PCDH11X: variants seen among roughly 807,000 people sequenced by gnomAD.
The protein encoded by PCDH11X is protocadherin-11 X-linked.
Under a neutral mutation model 53.3 loss-of-function variants are expected in PCDH11X, and 18 were observed. That is an observed-to-expected ratio of 0.34 (90% CI 0.23 to 0.50). The LOEUF is 0.50. PCDH11X is among the 20% of genes least tolerant of loss of function. The pLI, the probability that PCDH11X is intolerant of heterozygous loss-of-function variation, is 0.98. For synonymous variants in PCDH11X, 279 were observed against 393.3 expected, an observed-to-expected ratio of 0.71 and a Z score of 3.44; for missense variants, 570 against 1,032.4, an observed-to-expected ratio of 0.55 and a Z score of 6.14.
chrX:92,044,249 C>A (rs1237257050), intron 6 of PCDH11X, among the ~76,000 whole-genome samples: 1 of 104,465 alleles, frequency 9.6e-6, no homozygotes, highest in Admixed American at 1.1e-4. Context: ...GCGCTGAAGG[C>A]TGAATTGAGA....
At chrX:92,143,757 G>A (rs1475943600) in intron 6 of PCDH11X, among the ~76,000 whole-genome samples, 1 of 112,124 alleles carries the variant, frequency 8.9e-6, no homozygotes, top group Admixed American at 9.5e-5. Context: ...GCCTAGTGGA[G>A]TTGTGAGAAG....
intron 8 of PCDH11X, 135 bp downstream of exon 8, chrX:92,263,278 G>A: frequency 2.1e-6 from 1 of 479,823 alleles, no homozygotes; most frequent in Non-Finnish European, 3.3e-6. Context: ...CTTTAAAAGA[G>A]AGTCAAGCTG....
chrX:92,279,759 C>G (rs1057185955), intron 8 of PCDH11X, among the ~76,000 whole-genome samples: 2 of 111,827 alleles, frequency 1.8e-5, no homozygotes, highest in African/African-American at 6.5e-5. Context: ...GGTTTTTGCC[C>G]AGCATATTTT....
chrX:92,467,136 TA>T (rs1456030022), intron 9 of PCDH11X, among the ~76,000 whole-genome samples: 1 of 111,091 alleles, frequency 9.0e-6, no homozygotes, highest in Non-Finnish European at 1.9e-5. Flanking sequence ...AGCACTATTT[TA>T]AAAAAATTTT....
intron 7 of PCDH11X, among the ~76,000 whole-genome samples, chrX:92,241,343 CTGAA>C (rs753346413): frequency 2.7e-5 from 3 of 111,582 alleles, no homozygotes; most frequent in Non-Finnish European, 3.8e-5. Flanking sequence ...ATTAGAAAGA[CTGAA>C]TGAATGCATC....
chrX:92,358,016 T>G (rs1430328226), intron 8 of PCDH11X, among the ~76,000 whole-genome samples: 5 of 109,644 alleles, frequency 4.6e-5, no homozygotes, highest in Admixed American at 2.0e-4. Context: ...GGACAATAAT[T>G]GGTGACGTCT....
intron 9 of PCDH11X, among the ~76,000 whole-genome samples, chrX:92,449,769 G>A (rs1159116505): frequency 2.7e-5 from 3 of 110,310 alleles, no homozygotes; most frequent in African/African-American, 9.9e-5. Context: ...GCAACTCTTT[G>A]TTAGACTCTC....
chrX:92,601,276 G>A (rs1268456489), intron 10 of PCDH11X, among the ~76,000 whole-genome samples: 1 of 103,148 alleles, frequency 9.7e-6, no homozygotes, highest in Non-Finnish European at 2.0e-5. Flanking sequence ...ATTTCATCTT[G>A]AATTGAAGCT....
chrX:92,538,662 T>G (rs1222510087), intron 10 of PCDH11X, among the ~76,000 whole-genome samples: 1 of 97,756 alleles, frequency 1.0e-5, no homozygotes, highest in African/African-American at 3.7e-5. Context: ...TAATAAACAC[T>G]CTATACTTTA....
chrX:92,243,660 A>G (rs1264431594), intron 7 of PCDH11X, among the ~76,000 whole-genome samples: 1 of 111,353 alleles, frequency 9.0e-6, no homozygotes, highest in Non-Finnish European at 1.9e-5. Flanking sequence ...TAGTAGTGGG[A>G]AAAAAGGTCT....
At chrX:91,990,630 G>A (rs1339949983) in intron 6 of PCDH11X, among the ~76,000 whole-genome samples, 1 of 110,565 alleles carries the variant, frequency 9.0e-6, no homozygotes, top group East Asian at 2.9e-4. Flanking sequence ...CAGTGAGAAA[G>A]GGGGCACTGC....
At chrX:92,446,648 C>T (rs904180581) in intron 9 of PCDH11X, among the ~76,000 whole-genome samples, 17 of 111,667 alleles carry the variant, frequency 1.5e-4, no homozygotes, top group African/African-American at 5.2e-4. Context: ...AATCCTTTCC[C>T]GTATAAATTA....
intron 6 of PCDH11X, among the ~76,000 whole-genome samples, chrX:91,925,991 A>G (rs1941930221): frequency 9.3e-6 from 1 of 107,868 alleles, no homozygotes; most frequent in Non-Finnish European, 1.9e-5. Context: ...AGACACTTAG[A>G]AGACTGAGCA....
intron 10 of PCDH11X, among the ~76,000 whole-genome samples, chrX:92,595,118 G>A (rs1282110165): frequency 9.1e-6 from 1 of 109,550 alleles, no homozygotes; most frequent in Non-Finnish European, 1.9e-5. Context: ...GAATGAAATG[G>A]CATACTTTTA....
At chrX:91,860,572 C>T (rs1053760344) in intron 5 of PCDH11X, among the ~76,000 whole-genome samples, 1 of 111,704 alleles carries the variant, frequency 9.0e-6, no homozygotes, top group African/African-American at 3.3e-5. Context: ...CAGCTTTTGC[C>T]CATTCAATAT....
chrX:92,569,600 A>T (rs1358641786), intron 10 of PCDH11X, among the ~76,000 whole-genome samples: 1 of 111,605 alleles, frequency 9.0e-6, no homozygotes, highest in East Asian at 2.8e-4. Flanking sequence ...TTTTAACTTA[A>T]CATTATACCA....
At chrX:92,083,009 A>G in intron 6 of PCDH11X, among the ~76,000 whole-genome samples, 1 of 111,684 alleles carries the variant, frequency 9.0e-6, no homozygotes, top group East Asian at 2.8e-4. Flanking sequence ...TGAGCCTGCC[A>G]TGTTTATTCT....
chrX:92,182,617 T>C (rs2066016166), intron 6 of PCDH11X, among the ~76,000 whole-genome samples: 1 of 111,482 alleles, frequency 9.0e-6, no homozygotes, highest in African/African-American at 3.3e-5. Flanking sequence ...GTCTTTCCCA[T>C]GTTGTTCTTG....
intron 1 of PCDH11X, among the ~76,000 whole-genome samples, chrX:91,792,228 T>A (rs1935580154): frequency 8.9e-6 from 1 of 111,866 alleles, no homozygotes; most frequent in South Asian, 3.7e-4. Flanking sequence ...ATTAAATACA[T>A]GTCAAAAATC....
Sources: allele counts gnomAD v4.1 joint callset (sites outside exome capture counted in the v4.1 genomes callset), GRCh38; gene constraint gnomAD v4.1.1; transcripts MANE v1.5; gene names NCBI Gene and HGNC (gene_info 2026-07-23, HGNC 2026-07-21).